C21orf58: variants seen among roughly 807,000 people sequenced by gnomAD.
C21orf58 encodes uncharacterized protein C21orf58.
Under a neutral mutation model 35.8 loss-of-function variants are expected in C21orf58, and 34 were observed. The ratio of observed to expected loss-of-function variants is 0.95; its 90% CI spans 0.72 to 1.26. C21orf58 has a LOEUF of 1.26. Ranked by LOEUF, C21orf58 falls within the 50% of genes most tolerant of loss-of-function variation. The pLI is 0.00. For synonymous variants in C21orf58, 191 were observed against 175.8 expected, an observed-to-expected ratio of 1.09 and a Z score of -0.68; for missense variants, 440 against 414.3, an observed-to-expected ratio of 1.06 and a Z score of -0.54.
At chr21:46,320,508 A>G (rs4819237) in intron 1 of C21orf58, 1 of 77,814 alleles carries the variant, frequency 1.3e-5, no homozygotes, top group Non-Finnish European at 2.3e-5. Context: ...GTGTAACTCC[A>G]CCTCAAAAAA....
At chr21:46,318,503 C>A in intron 1 of C21orf58, 1 of 1,324,358 alleles carries the variant, frequency 7.6e-7, no homozygotes, top group Non-Finnish European at 9.7e-7. Context: ...CCCCTATGCA[C>A]CACCAGCCTC....
chr21:46,315,848 A>G lies in C21orf58; in HGVS notation c.371-301T>C, dbSNP rs77475641. On this transcript the variant is annotated intron_variant, in intron 3 of 7. Coordinates refer to ENST00000291691, the MANE Select transcript of C21orf58 (RefSeq NM_058180.5). ...ACGCGACCAGGTTCCTCCTGAGTGCATTTCATACAGAGTGCCCTGGGCTCC... is the reference window on the plus strand; with the variant it reads ...ACGCGACCAGGTTCCTCCTGAGTGCGTTTCATACAGAGTGCCCTGGGCTCC... Among the ~76,000 whole-genome samples the G allele has an allele frequency of 5.9e-3, 904 of 152,220 alleles. 13 individuals carry two copies. Among genetic ancestry groups the G allele is most frequent in the African/African-American group, 0.021 (862 of 41,554 alleles).
rs2082131354 is a variant in C21orf58 at position 46,302,127 on chromosome 21, G to A, written c.841C>T (p.Pro281Ser). 2 of 1,515,998 alleles carry A rather than the reference G, an allele frequency of 1.3e-6. No individual in the cohort carries two copies. Among genetic ancestry groups the A allele is most frequent in the South Asian group, 1.2e-5 (1 of 81,142 alleles). 93.9% of individuals were successfully genotyped at this position (1,515,998 alleles called of 1,614,324 possible). The change falls in exon 8 of 8, where the codon CCA (proline) becomes TCA (serine). Residue 281 changes from proline (P) to serine (S), a missense_variant. Coordinates refer to ENST00000291691, the MANE Select transcript of C21orf58 (RefSeq NM_058180.5). ...QDPPHVPPRV[P>S]RAARPRLPAV... ...GGCAGCCTTGGCCTGGCAGCTCGTG[G>A]GACCCTCGGGGGCACATGTGGCGGG...
rs1196697705 is a variant in C21orf58 at position 46,303,743 on chromosome 21, ATATTTTTTTTTT to A, written c.722-1179_722-1168del. On this transcript the variant is annotated intron_variant, in intron 6 of 7. Coordinates refer to ENST00000291691, the MANE Select transcript of C21orf58 (RefSeq NM_058180.5). Reference sequence around the variant, plus strand: ...TATATATATATATATATATATATATATATTTTTTTTTTTTTTTTTTTTTTTGGAGACAGAGTC... The same window carrying A: ...TATATATATATATATATATATATATATTTTTTTTTTTTTGGAGACAGAGTC... Among the ~76,000 whole-genome samples, 140 of 19,568 alleles carry A rather than the reference ATATTTTTTTTTT, an allele frequency of 7.2e-3. 1 individual carries two copies. The highest frequency in any genetic ancestry group is 0.012 in the Non-Finnish European group (111 of 9,478). 12.8% of individuals were successfully genotyped at this position (19,568 alleles called of 152,430 possible). A position where few individuals can be genotyped will look rare whatever the true frequency, so the allele number is the denominator to read the frequency against.
chr21:46,317,250 G>T lies in C21orf58; in HGVS notation c.328C>A (p.Gln110Lys), dbSNP rs771859031. The T allele has an allele frequency of 6.2e-7, 1 of 1,611,766 alleles. No homozygotes were observed. The highest frequency in any genetic ancestry group is 1.3e-5 in the African/African-American group (1 of 74,896). ...LLGQKLEQERQNVEGGPEGLH... is the reference protein window; with the variant it reads ...LLGQKLEQERKNVEGGPEGLH... Reference sequence around the variant, plus strand: ...CCCTCAGGTCCCCCTTCCACGTTCTGCCGTTCTTGCTCCAGCTTCTGTGAG... The same window carrying T: ...CCCTCAGGTCCCCCTTCCACGTTCTTCCGTTCTTGCTCCAGCTTCTGTGAG... Residue 110 changes from glutamine (Q) to lysine (K), a missense_variant, in exon 3 of 8, where the codon CAG (glutamine) becomes AAG (lysine). Gln to Lys is a moderately conservative substitution (Grantham distance 53). Transcript: ENST00000291691.
At chr21:46,317,940 G>T in intron 2 of C21orf58, 72 bp downstream of exon 2, 2 of 1,535,694 alleles carry the variant, frequency 1.3e-6, no homozygotes, top group Non-Finnish European at 1.8e-6. Flanking sequence ...CTGCAGGGCT[G>T]TCTCGAAGAG....
At chr21:46,321,956 T>G (rs1262210580) in intron 1 of C21orf58, among the ~76,000 whole-genome samples, 3 of 139,180 alleles carry the variant, frequency 2.2e-5, no homozygotes, top group African/African-American at 8.2e-5. Context: ...CAGGTTGGAG[T>G]GCAGTGGTTG....
intron 6 of C21orf58, among the ~76,000 whole-genome samples, chr21:46,310,437 C>G (rs2082625959): frequency 6.6e-6 from 1 of 151,314 alleles, no homozygotes; most frequent in African/African-American, 2.4e-5. Context: ...CAAGATGGCG[C>G]CATTGCACTC....
In C21orf58 at chr21:46,314,757, A is replaced by G. The variant is rs766151661; in HGVS notation, c.568T>C (p.Ser190Pro). The change falls in exon 5 of 8, where the codon TCC (serine) becomes CCC (proline). Residue 190 changes from serine to proline, a missense_variant. Ser to Pro is a moderately conservative substitution (Grantham distance 74). Coordinates refer to ENST00000291691, the MANE Select transcript of C21orf58 (RefSeq NM_058180.5). The stretch of plus-strand genomic sequence containing the variant: ...CTTGGCGGGTCTGGGGCCAGCGGGG[A>G]TGGGGAGGCAGTGGGTAGGATGCCC... ...PTGILPTASP[S>P]PLAPDPPRII... The G allele has an allele frequency of 6.7e-5, 101 of 1,506,402 alleles. No homozygotes were observed. Among genetic ancestry groups the G allele is most frequent in the Non-Finnish European group, 8.7e-5 (98 of 1,120,130 alleles). The allele number at this position is 1,506,402 out of a possible 1,614,324, so 93.3% of individuals were successfully genotyped here.
rs376201517 is a variant in C21orf58, at chr21:46,317,308, C to T, written c.310-40G>A. 4.6e-5 allele frequency: 74 copies of T among 1,600,624 alleles called. 1 individual carries two copies. Among genetic ancestry groups the T allele is most frequent in the Admixed American group, 4.3e-4 (25 of 58,424 alleles). ...GACCGTGACAGAGACGGTGGCTCCACGCAAAGGCCCTGTGTGCTCCAGGAA... is the reference window on the plus strand; with the variant it reads ...GACCGTGACAGAGACGGTGGCTCCATGCAAAGGCCCTGTGTGCTCCAGGAA... On this transcript the variant is annotated intron_variant, in intron 2 of 7. Transcript: ENST00000291691.
chr21:46,318,832 C>T (rs532266118), intron 1 of C21orf58: 88 of 987,104 alleles, frequency 8.9e-5, no homozygotes, highest in East Asian at 1.1e-4. Flanking sequence ...CAGGAAGCTT[C>T]GCAGAGGGTG....
chr21:46,301,830 G>A lies in C21orf58; in HGVS notation c.*169C>T. The A allele has an allele frequency of 7.9e-7, 1 of 1,264,240 alleles. No individual in the cohort carries two copies. The highest frequency in any genetic ancestry group is 9.9e-7 in the Non-Finnish European group (1 of 1,006,734). 78.3% of individuals were successfully genotyped at this position (1,264,240 alleles called of 1,614,324 possible). A position where few individuals can be genotyped will look rare whatever the true frequency, so the allele number is the denominator to read the frequency against. ...CCTGGAATGGCCCCGTGACCAGAAA[G>A]CGAGCCTGCCCAGCTTCCCCAGGAG... On this transcript the variant is annotated 3_prime_UTR_variant, in exon 8 of 8. Coordinates refer to ENST00000291691, the MANE Select transcript of C21orf58 (RefSeq NM_058180.5).
Position 46,302,581 on chromosome 21 carries a change from A to C in C21orf58, c.722-5T>G, listed in dbSNP as rs752136016. On this transcript the variant is annotated splice_polypyrimidine_tract_variant and splice_region_variant and intron_variant, in intron 6 of 7. Coordinates refer to ENST00000291691, the MANE Select transcript of C21orf58 (RefSeq NM_058180.5). ...GCAGCAGCAGCTCCACCATGTCTGC[A>C]GGGAAGAAGCAGGGGGACCCTGAAT... is the stretch of plus-strand genomic sequence containing the variant. 1 of 1,608,956 alleles carries C rather than the reference A, an allele frequency of 6.2e-7. No individual in the cohort carries two copies. The highest frequency in any genetic ancestry group is 8.5e-7 in the Non-Finnish European group (1 of 1,177,334).
intron 6 of C21orf58, among the ~76,000 whole-genome samples, chr21:46,307,614 T>C (rs1227583998): frequency 1.3e-5 from 2 of 152,158 alleles, no homozygotes; most frequent in African/African-American, 4.8e-5. Flanking sequence ...TGGATCACAA[T>C]AGGAAAGGTA....
intron 5 of C21orf58, among the ~76,000 whole-genome samples, chr21:46,313,465 C>A (rs1292826341): frequency 1.3e-5 from 2 of 152,204 alleles, no homozygotes; most frequent in Non-Finnish European, 2.9e-5. Flanking sequence ...CTGAGTCCAG[C>A]TGCCAGGAAG....
chr21:46,318,335 G>T (rs770332980), intron 1 of C21orf58, 115 bp from the exon 2 acceptor site: 56 of 1,501,176 alleles, frequency 3.7e-5, no homozygotes, highest in Non-Finnish European at 4.7e-5. Flanking sequence ...GACACAGGGA[G>T]GCCCCAGGTT....
At chr21:46,306,527 T>C (rs2082427404) in intron 6 of C21orf58, among the ~76,000 whole-genome samples, 1 of 152,172 alleles carries the variant, frequency 6.6e-6, no homozygotes, top group Non-Finnish European at 1.5e-5. Flanking sequence ...TGAATTCCTT[T>C]AGAACAGTTA....
At chr21:46,302,373 G>T in intron 7 of C21orf58, 112 bp downstream of exon 7, 1 of 1,089,220 alleles carries the variant, frequency 9.2e-7, no homozygotes, top group Non-Finnish European at 1.3e-6. Flanking sequence ...CCAGACTGTA[G>T]ACCTGAGCCA....
intron 6 of C21orf58, among the ~76,000 whole-genome samples, chr21:46,307,764 C>T (rs374053917): frequency 3.3e-5 from 5 of 152,156 alleles, no homozygotes; most frequent in African/African-American, 1.2e-4. Context: ...GGACAGCTGT[C>T]AGGTGATTCA....
Sources: allele counts gnomAD v4.1 joint callset (sites outside exome capture counted in the v4.1 genomes callset), GRCh38; gene constraint gnomAD v4.1.1; transcripts MANE v1.5; gene names NCBI Gene and HGNC (gene_info 2026-07-23, HGNC 2026-07-21).